The following TBC1D12 variants were observed in gnomAD, a reference collection of about 807,000 sequenced individuals.
TBC1D12 encodes TBC1 domain family, member 12.
TBC1D12 carries 56 observed loss-of-function variants against 86.7 expected under a neutral mutation model. The ratio of observed to expected loss-of-function variants is 0.65; its 90% CI spans 0.52 to 0.81. The LOEUF (loss-of-function observed/expected upper bound fraction) is 0.81. TBC1D12 is among the 30% of genes least tolerant of loss of function. The pLI, the probability that TBC1D12 is intolerant of heterozygous loss-of-function variation, is 0.00. For missense variants in TBC1D12, 1,023 were observed against 1,038.8 expected, an observed-to-expected ratio of 0.98 and a Z score of 0.21; for synonymous variants, 421 against 411.7, an observed-to-expected ratio of 1.02 and a Z score of -0.27.
intron 2 of TBC1D12, among the ~76,000 whole-genome samples, chr10:94,472,571 T>C (rs2055924847): frequency 6.6e-6 from 1 of 152,234 alleles, no homozygotes; most frequent in African/African-American, 2.4e-5. Context: ...CCAGGTTACC[T>C]TGTAGGAAAA....
At position 94,493,424 on chromosome 10, in the gene TBC1D12, T is replaced by C. The variant is rs2056272662; in HGVS notation, c.1271T>C (p.Met424Thr). The C allele has an allele frequency of 6.2e-7, 1 of 1,612,744 alleles. No homozygotes were observed. The highest frequency in any genetic ancestry group is 8.5e-7 in the Non-Finnish European group (1 of 1,179,708). Residue 424 changes from methionine (M) to threonine (T), a missense_variant, in exon 4 of 13, where the codon ATG (methionine) becomes ACG (threonine). Met to Thr is a moderately conservative substitution (Grantham distance 81). Transcript: ENST00000225235. ...ALRHRQEYDE[M>T]VAEAKKREIK... is the part of the protein sequence containing the mutation. ...CGTCACCGACAAGAATACGATGAGA[T>C]GGTGGCTGAGGCTAAAAAACGAGGT... is the stretch of plus-strand genomic sequence containing the variant.
chr10:94,457,718 C>A (rs1159506424), intron 2 of TBC1D12, among the ~76,000 whole-genome samples: 1 of 152,152 alleles, frequency 6.6e-6, no homozygotes, highest in Admixed American at 6.6e-5. Flanking sequence ...TCTTCCACAT[C>A]TTTTCAGTCT....
Position 94,535,014 on chromosome 10 carries a change from T to C in TBC1D12, c.*1918T>C, listed in dbSNP as rs1173563173. The C allele has an allele frequency of 6.6e-6, 1 of 152,178 alleles. No individual in the cohort carries two copies. Among genetic ancestry groups the C allele is most frequent in the Non-Finnish European group, 1.5e-5 (1 of 68,028 alleles). 9.4% of individuals were successfully genotyped at this position (152,178 alleles called of 1,614,324 possible). ...GTGCTGTCCAGGGAACATGTTTCCCTTGGGAGGTCTGAACAGAGTGACCTG... is the reference window on the plus strand; with the variant it reads ...GTGCTGTCCAGGGAACATGTTTCCCCTGGGAGGTCTGAACAGAGTGACCTG... On this transcript the variant is annotated 3_prime_UTR_variant, in exon 13 of 13. Transcript: ENST00000225235.
At chr10:94,472,848 A>T (rs944407493) in intron 2 of TBC1D12, among the ~76,000 whole-genome samples, 1 of 152,166 alleles carries the variant, frequency 6.6e-6, no homozygotes, top group African/African-American at 2.4e-5. Flanking sequence ...AAATAATTTG[A>T]TAGAGGAGAA....
rs1039979662 is a variant in TBC1D12, at chr10:94,478,383, T to C, written c.1211+3600T>C. On this transcript the variant is annotated intron_variant, in intron 3 of 12. Transcript: ENST00000225235. ...CTATTTGGTGGAAGCCAGTAGGTGG[T>C]TAGAAATCTTAAAGGCGGGATTTGT... Among the ~76,000 whole-genome samples, 4 of 152,188 alleles carry C rather than the reference T, an allele frequency of 2.6e-5. No individual in the cohort carries two copies. In the East Asian group the frequency reaches 7.7e-4, roughly 29 times the overall value.
At chr10:94,512,269 G>A (rs920752107) in intron 9 of TBC1D12, among the ~76,000 whole-genome samples, 4 of 145,470 alleles carry the variant, frequency 2.7e-5, no homozygotes, top group African/African-American at 1.0e-4. Context: ...CATTCTTGTA[G>A]TCCTTGTGGG....
rs1001364058 is a variant in TBC1D12, at chr10:94,464,636, T to A, written c.1096-10032T>A. The stretch of plus-strand genomic sequence containing the variant: ...ACATACCACCATGTGTGGCTAATTT[T>A]AAAATTTTTTTTATAGAGACGGGGT... On this transcript the variant is annotated intron_variant, in intron 2 of 12. Coordinates refer to ENST00000225235, the MANE Select transcript of TBC1D12 (RefSeq NM_015188.2). Among the ~76,000 whole-genome samples, 21 of 152,324 alleles carry A rather than the reference T, an allele frequency of 1.4e-4. No homozygotes were observed. The East Asian group carries it at 3.5e-3, about 25-fold the overall frequency.
At chr10:94,531,669 T>TTTATG (rs1473402037) in intron 12 of TBC1D12, among the ~76,000 whole-genome samples, 11 of 143,812 alleles carry the variant, frequency 7.6e-5, no homozygotes, top group African/African-American at 2.6e-4. Flanking sequence ...TTTATTTTAT[T>TTTATG]TTATTTTATT....
chr10:94,491,267 A>G (rs2056241178), intron 3 of TBC1D12, among the ~76,000 whole-genome samples: 1 of 152,052 alleles, frequency 6.6e-6, no homozygotes, highest in African/African-American at 2.4e-5. Context: ...CCTCCCTCCT[A>G]CAACCTACCA....
intron 2 of TBC1D12, among the ~76,000 whole-genome samples, chr10:94,443,370 T>C (rs1488930077): frequency 6.6e-6 from 1 of 152,226 alleles, no homozygotes; most frequent in Non-Finnish European, 1.5e-5. Flanking sequence ...TTCAAACTCC[T>C]GGGCTTAAAT....
Position 94,533,080 on chromosome 10 carries a change from C to A in TBC1D12, c.2312C>A (p.Pro771His). 1 of 1,592,566 alleles carries A rather than the reference C, an allele frequency of 6.3e-7. No homozygotes were observed. The highest frequency in any genetic ancestry group is 8.5e-7 in the Non-Finnish European group (1 of 1,169,880). The change falls in exon 13 of 13, where the codon CCT becomes CAT. Residue 771 changes from proline (P) to histidine (H), a missense_variant. Pro to His is a moderately conservative substitution (Grantham distance 77). Transcript: ENST00000225235. ...AAAGAAGGAGACAAGAACAGTAGTC[C>A]TGCTTTGAAAAGCTAGTCTTCAAAA... ...DIKEGDKNSS[P>H]ALKS
chr10:94,487,667 T>C (rs781619595), intron 3 of TBC1D12, among the ~76,000 whole-genome samples: 3 of 151,486 alleles, frequency 2.0e-5, no homozygotes, highest in Non-Finnish European at 4.4e-5. Flanking sequence ...TTTTTGTTGT[T>C]TCTTTTTTTT....
At chr10:94,461,552 A>T (rs1255327055) in intron 2 of TBC1D12, among the ~76,000 whole-genome samples, 2 of 152,212 alleles carry the variant, frequency 1.3e-5, no homozygotes, top group Non-Finnish European at 2.9e-5. Flanking sequence ...GTTCCTGGAA[A>T]TAAAACTCAC....
chr10:94,420,468 T>C (rs1475846867), intron 1 of TBC1D12, among the ~76,000 whole-genome samples: 2 of 152,228 alleles, frequency 1.3e-5, no homozygotes, highest in Non-Finnish European at 2.9e-5. Flanking sequence ...CACCACTATC[T>C]AATTCTAGAA....
chr10:94,440,530 T>A (rs909675997), intron 1 of TBC1D12, among the ~76,000 whole-genome samples: 1 of 152,150 alleles, frequency 6.6e-6, no homozygotes. Flanking sequence ...TCCCTTAACA[T>A]TTTTCATTAA....
chr10:94,528,883 A>T (rs1401267624), intron 11 of TBC1D12, among the ~76,000 whole-genome samples: 1 of 151,764 alleles, frequency 6.6e-6, no homozygotes, highest in Admixed American at 6.6e-5. Flanking sequence ...CAGATGACAT[A>T]TTTAAACTTT....
chr10:94,447,737 G>C, intron 2 of TBC1D12: 1 of 965,218 alleles, frequency 1.0e-6, no homozygotes, highest in Non-Finnish European at 1.2e-6. Flanking sequence ...TAGTTCAGTT[G>C]ACCTGAGTTT....
At chr10:94,518,541 C>T (rs1212223167) in intron 9 of TBC1D12, among the ~76,000 whole-genome samples, 1 of 152,142 alleles carries the variant, frequency 6.6e-6, no homozygotes, top group African/African-American at 2.4e-5. Flanking sequence ...CGACCCTCAA[C>T]TTGAATTTGA....
At chr10:94,448,336 A>G (rs2055500670) in intron 2 of TBC1D12, among the ~76,000 whole-genome samples, 1 of 152,186 alleles carries the variant, frequency 6.6e-6, no homozygotes, top group African/African-American at 2.4e-5. Flanking sequence ...TATGTGTAAT[A>G]GAGTATTTGA....
Sources: gnomAD v4.1 joint callset for allele counts (sites outside exome capture counted in the v4.1 genomes callset) on GRCh38, gnomAD v4.1.1 for gene constraint, MANE v1.5 for transcripts, NCBI Gene and HGNC (gene_info 2026-07-23, HGNC 2026-07-21) for gene names.